Variants in PDXDC1 observed in about 807,000 individuals in gnomAD.
The protein encoded by PDXDC1 is pyridoxal-dependent decarboxylase domain-containing protein 1.
A neutral mutation model predicts 100.1 loss-of-function variants in PDXDC1; 42 were observed. The observed-to-expected ratio is 0.42, with a 90% CI of 0.33 to 0.54. The LOEUF (loss-of-function observed/expected upper bound fraction) is 0.54. PDXDC1 is among the 20% of genes least tolerant of loss of function. The pLI, the probability that PDXDC1 is intolerant of heterozygous loss-of-function variation, is 0.10. For missense variants in PDXDC1, 636 were observed against 979.2 expected, an observed-to-expected ratio of 0.65 and a Z score of 4.68; for synonymous variants, 260 against 371.7, an observed-to-expected ratio of 0.70 and a Z score of 3.46.
chr16:15,075,545 C>T (rs2151788425), intron 16 of PDXDC1, among the ~76,000 whole-genome samples: 1 of 152,044 alleles, frequency 6.6e-6, no homozygotes, highest in South Asian at 2.1e-4. Flanking sequence ...CACACTCCAG[C>T]CTGGGCAACA....
rs1158970999 is a variant in PDXDC1 at position 15,134,523 on chromosome 16, G to A, written c.1400-4356G>A. Among the ~76,000 whole-genome samples, 392 of 64,496 alleles carry A rather than the reference G, an allele frequency of 6.1e-3. 2 individuals carry two copies. The highest frequency in any genetic ancestry group is 0.013 in the South Asian group (22 of 1,686). 42.3% of individuals were successfully genotyped at this position (64,496 alleles called of 152,430 possible). A position where few individuals can be genotyped will look rare whatever the true frequency, so the allele number is the denominator to read the frequency against. On this transcript the variant is annotated intron_variant, in intron 16 of 16. Transcript: ENST00000535621. Reference sequence around the variant, plus strand: ...TTTGCCACCTTCCAACCTGGGCGGCGGAAGGGCATACACAGGGCAGAGGAC... The same window carrying A: ...TTTGCCACCTTCCAACCTGGGCGGCAGAAGGGCATACACAGGGCAGAGGAC...
At chr16:15,128,183 G>A (rs563601091) in intron 16 of PDXDC1, 77 of 1,608,970 alleles carry the variant, frequency 4.8e-5, no homozygotes, top group East Asian at 1.3e-4. Flanking sequence ...GCCCCAACGC[G>A]GGGGCAGAGG....
chr16:14,975,456 G>A (rs1966670971), intron 1 of PDXDC1: 2 of 985,268 alleles, frequency 2.0e-6, no homozygotes, highest in Admixed American at 6.1e-5. Flanking sequence ...GGTGGGGGCC[G>A]CGACGGGCCC....
chr16:15,055,927 T>C (rs1480856455), intron 16 of PDXDC1: 2 of 1,232,804 alleles, frequency 1.6e-6, no homozygotes, highest in Non-Finnish European at 2.0e-6. Context: ...GGTCCCCGGC[T>C]GACTGCGGCA....
chr16:15,074,695 T>TC, intron 16 of PDXDC1: 1 of 1,584,592 alleles, frequency 6.3e-7, no homozygotes, highest in East Asian at 2.3e-5. Context: ...CTGCAGGTGT[T>TC]CAATAAACAG....
chr16:15,033,485 G>A (rs2043193248), intron 19 of PDXDC1, 86 bp downstream of exon 19: 11 of 1,446,872 alleles, frequency 7.6e-6, no homozygotes, highest in Non-Finnish European at 1.1e-5. Flanking sequence ...GCTGCCCTTG[G>A]GATGTCTGTT....
intron 16 of PDXDC1, chr16:15,060,079 A>G (rs1176847374): frequency 3.2e-6 from 1 of 311,068 alleles, no homozygotes; most frequent in Non-Finnish European, 6.4e-6. Flanking sequence ...GTTCCAGATT[A>G]ACCATGTCAT....
intron 16 of PDXDC1, among the ~76,000 whole-genome samples, chr16:15,066,921 G>A (rs968365099): frequency 6.6e-6 from 1 of 151,730 alleles, no homozygotes; most frequent in African/African-American, 2.4e-5. Context: ...CCCAAATCGA[G>A]AGCCCCTGGA....
chr16:15,006,703 T>C lies in PDXDC1; in HGVS notation c.579+120T>C, dbSNP rs547674019. 19 of 989,492 alleles carry C rather than the reference T, an allele frequency of 1.9e-5. No individual in the cohort carries two copies. The South Asian group carries it at 4.8e-4, about 25-fold the overall frequency. The allele number at this position is 989,492 out of a possible 1,614,324, so 61.3% of individuals were successfully genotyped here. ...CTGAGTGAAAAGAAAGATGGTCTTA[T>C]ATGCTTTTGTCATATTTGTAAAAAT... On this transcript the variant is annotated intron_variant, in intron 6 of 22. Coordinates refer to ENST00000396410, the MANE Select transcript of PDXDC1 (RefSeq NM_015027.4).
intron 3 of PDXDC1, among the ~76,000 whole-genome samples, chr16:15,000,833 C>T (rs1461610432): frequency 6.6e-6 from 1 of 150,958 alleles, no homozygotes; most frequent in Admixed American, 6.6e-5. Flanking sequence ...TTAGATATAC[C>T]AGTGGCATTG....
intron 16 of PDXDC1, chr16:15,044,200 CAGTCTGTTTCTCTG>C: frequency 1.6e-6 from 1 of 637,976 alleles, no homozygotes; most frequent in South Asian, 1.8e-5. Flanking sequence ...CCAAGCTGGG[CAGTCTGTTTCTCTG>C]TGCTGCTCCA....
intron 16 of PDXDC1, chr16:15,086,306 T>C: frequency 6.2e-7 from 1 of 1,603,384 alleles, no homozygotes; most frequent in Non-Finnish European, 8.5e-7. Flanking sequence ...TAATATAACA[T>C]ATACTATTAC....
intron 16 of PDXDC1, among the ~76,000 whole-genome samples, chr16:15,122,125 C>T (rs1159212342): frequency 2.0e-5 from 3 of 152,014 alleles, no homozygotes; most frequent in East Asian, 3.9e-4. Context: ...GATCTTGCCA[C>T]TGCACTCCAG....
At chr16:15,061,448 A>G in intron 16 of PDXDC1, 1 of 344,946 alleles carries the variant, frequency 2.9e-6, no homozygotes, top group Non-Finnish European at 5.2e-6. Context: ...TGTGTCAAAA[A>G]GCTGTTAACA....
intron 16 of PDXDC1, among the ~76,000 whole-genome samples, chr16:15,051,248 TC>T: frequency 6.6e-6 from 1 of 152,368 alleles, no homozygotes; most frequent in Non-Finnish European, 1.5e-5. Context: ...AGACCAAAAA[TC>T]ATGTCTCTCT....
At chr16:15,130,481 G>A (rs776028846) in intron 16 of PDXDC1, 2 of 1,386,732 alleles carry the variant, frequency 1.4e-6, no homozygotes, top group African/African-American at 1.4e-5. Context: ...CAGTGGACGT[G>A]AGCCCAGGCT....
At chr16:15,061,721 A>G in intron 16 of PDXDC1, 1 of 1,597,732 alleles carries the variant, frequency 6.3e-7, no homozygotes, top group Non-Finnish European at 8.6e-7. Context: ...CAAATGTCAC[A>G]TCTCAGTCAC....
chr16:15,042,806 C>T (rs2043880633), downstream of PDXDC1, among the ~76,000 whole-genome samples: 1 of 151,998 alleles, frequency 6.6e-6, no homozygotes, highest in South Asian at 2.1e-4. Flanking sequence ...GATCTCAGCT[C>T]ACTGCAACCT....
chr16:15,035,876 C>T, intron 22 of PDXDC1, 140 bp from the exon 23 acceptor site: 1 of 911,118 alleles, frequency 1.1e-6, no homozygotes, highest in Non-Finnish European at 1.7e-6. Flanking sequence ...GTTTTCTCAT[C>T]TCCTAAAACA....
Sources: gnomAD v4.1 joint callset for allele counts (sites outside exome capture counted in the v4.1 genomes callset) on GRCh38, gnomAD v4.1.1 for gene constraint, MANE v1.5 for transcripts, NCBI Gene and HGNC (gene_info 2026-07-23, HGNC 2026-07-21) for gene names.